RBFOX1: variants seen among roughly 807,000 people sequenced by gnomAD.
RBFOX1 encodes the protein RNA binding fox-1 homolog 1, also known as RNA binding protein fox-1 homolog 1.
A neutral mutation model predicts 57.7 loss-of-function variants in RBFOX1; 8 were observed. The observed-to-expected ratio is 0.14, with a 90% CI of 0.08 to 0.25. The LOEUF (loss-of-function observed/expected upper bound fraction) is 0.25. Ranked by LOEUF, RBFOX1 falls within the 10% of genes least tolerant of loss-of-function variation. The probability of loss-of-function intolerance (pLI) is 1.00; values close to 1 mark genes in which losing one functional copy is unlikely to be tolerated. For synonymous variants in RBFOX1, 326 were observed against 222.4 expected, an observed-to-expected ratio of 1.47 and a Z score of -4.15; for missense variants, 611 against 548.5, an observed-to-expected ratio of 1.11 and a Z score of -1.14.
At chr16:5,904,971 C>T (rs538629626) in intron 4 of RBFOX1, among the ~76,000 whole-genome samples, 5 of 100,954 alleles carry the variant, frequency 5.0e-5, no homozygotes, top group Non-Finnish European at 8.5e-5. Context: ...AGCAAGACTC[C>T]GTCTCAAAAA....
At chr16:7,580,104 G>A (rs899027025) in intron 6 of RBFOX1, among the ~76,000 whole-genome samples, 184 bp downstream of exon 6, 1 of 152,110 alleles carries the variant, frequency 6.6e-6, no homozygotes, top group Non-Finnish European at 1.5e-5. Flanking sequence ...ATGTATTTCT[G>A]TACATATGCT....
chr16:5,242,117 GA>G lies in RBFOX1; in HGVS notation c.219+2016del, dbSNP rs751888010. Among the ~76,000 whole-genome samples, 4 of 150,862 alleles carry G rather than the reference GA, an allele frequency of 2.7e-5. No homozygotes were observed. The East Asian group carries it at 5.8e-4, about 22-fold the overall frequency. Reference sequence around the variant, plus strand: ...TGACAAAGTGAGACCCTGTTTCAAGGAAAAGAGAGAGAGAGAGAGACAGACA... The same window carrying G: ...TGACAAAGTGAGACCCTGTTTCAAGGAAAGAGAGAGAGAGAGAGACAGACA... On this transcript the variant is annotated intron_variant, in intron 1 of 2. Transcript: ENST00000585867.
intron 1 of RBFOX1, among the ~76,000 whole-genome samples, chr16:6,030,634 A>G (rs2095274518): frequency 1.3e-5 from 2 of 152,240 alleles, no homozygotes; most frequent in African/African-American, 2.4e-5. Context: ...AAAGGTATAC[A>G]TAAATTACAG....
intron 3 of RBFOX1, among the ~76,000 whole-genome samples, chr16:6,687,445 A>C (rs34957758): frequency 0.087 from 13,205 of 152,254 alleles, 857 homozygotes; most frequent in African/African-American, 0.18. Flanking sequence ...ACTGAAATTA[A>C]AAATATGTAA....
intron 3 of RBFOX1, among the ~76,000 whole-genome samples, chr16:6,878,978 T>G (rs1175434606): frequency 6.6e-6 from 1 of 152,126 alleles, no homozygotes; most frequent in Admixed American, 6.5e-5. Context: ...ATAAAATGAC[T>G]TGTATAAGGT....
rs543813270 is a variant in RBFOX1, at chr16:5,582,577, G to A, written c.259-16325G>A. ...TTTTTTTTTTTTTTTTTTTTTAAAC[G>A]GAGTCTTTGTTGCCCAGGCTGGAAT... On this transcript the variant is annotated intron_variant, in intron 2 of 2. Transcript: ENST00000585867. Among the ~76,000 whole-genome samples, 318 of 136,098 alleles carry A rather than the reference G, an allele frequency of 2.3e-3. 1 individual carries two copies. The highest frequency in any genetic ancestry group is 8.8e-3 in the African/African-American group (300 of 33,982). The allele number at this position is 136,098 out of a possible 152,430, so 89.3% of individuals were successfully genotyped here. A position where few individuals can be genotyped will look rare whatever the true frequency, so the allele number is the denominator to read the frequency against.
chr16:6,174,485 T>C (rs934208746), intron 1 of RBFOX1, among the ~76,000 whole-genome samples: 3 of 152,050 alleles, frequency 2.0e-5, no homozygotes, highest in Non-Finnish European at 2.9e-5. Context: ...GTCCCAACTA[T>C]TGGGGAGGCT....
chr16:7,675,888 C>T (rs976646100), intron 13 of RBFOX1, among the ~76,000 whole-genome samples: 2 of 152,186 alleles, frequency 1.3e-5, no homozygotes, highest in African/African-American at 4.8e-5. Context: ...TCATTGTACA[C>T]TGGTTGATGT....
At chr16:6,609,974 C>T (rs993354619) in intron 2 of RBFOX1, among the ~76,000 whole-genome samples, 2 of 151,818 alleles carry the variant, frequency 1.3e-5, no homozygotes, top group African/African-American at 4.8e-5. Flanking sequence ...CGCCATTGCA[C>T]TCCAGGCCTG....
chr16:6,554,546 C>G (rs915694147), intron 2 of RBFOX1, among the ~76,000 whole-genome samples: 14 of 152,144 alleles, frequency 9.2e-5, no homozygotes, highest in African/African-American at 2.7e-4. Context: ...TGAACTCTAT[C>G]TCAATAAAAC....
chr16:6,930,283 C>G (rs2076289685), intron 3 of RBFOX1, among the ~76,000 whole-genome samples: 1 of 152,146 alleles, frequency 6.6e-6, no homozygotes, highest in South Asian at 2.1e-4. Flanking sequence ...ATAGACGTGT[C>G]TCCAAAAGAT....
At chr16:6,603,873 C>A (rs905480539) in intron 2 of RBFOX1, among the ~76,000 whole-genome samples, 3 of 152,152 alleles carry the variant, frequency 2.0e-5, no homozygotes, top group Non-Finnish European at 2.9e-5. Flanking sequence ...CGAGTTGCTT[C>A]TGTAGAGTTT....
chr16:6,161,094 A>G (rs2096875199), intron 1 of RBFOX1, among the ~76,000 whole-genome samples: 1 of 152,188 alleles, frequency 6.6e-6, no homozygotes, highest in Non-Finnish European at 1.5e-5. Context: ...AAATAAATGG[A>G]GAAGTGATCA....
intron 1 of RBFOX1, among the ~76,000 whole-genome samples, chr16:5,412,976 G>T (rs532117852): frequency 2.0e-4 from 30 of 152,330 alleles, no homozygotes; most frequent in Middle Eastern, 6.8e-3. Context: ...AAGGACGCAG[G>T]TGGGGTGGAG....
intron 3 of RBFOX1, among the ~76,000 whole-genome samples, chr16:7,037,320 T>A (rs547415300): frequency 7.5e-6 from 1 of 133,740 alleles, no homozygotes; most frequent in Non-Finnish European, 1.6e-5. Context: ...TGGCTCACCA[T>A]AACCTCCACT....
At chr16:6,468,907 C>T (rs1055181941) in intron 2 of RBFOX1, among the ~76,000 whole-genome samples, 2 of 152,156 alleles carry the variant, frequency 1.3e-5, no homozygotes, top group East Asian at 3.9e-4. Context: ...CTAGTACCTA[C>T]CCACTAGTTA....
At chr16:6,798,167 C>T (rs982310535) in intron 3 of RBFOX1, among the ~76,000 whole-genome samples, 2 of 152,042 alleles carry the variant, frequency 1.3e-5, no homozygotes, top group Non-Finnish European at 2.9e-5. Flanking sequence ...GAAAGCAGGG[C>T]GTTTCTAGTC....
At chr16:7,592,166 T>C (rs1281828744) in intron 7 of RBFOX1, among the ~76,000 whole-genome samples, 1 of 151,924 alleles carries the variant, frequency 6.6e-6, no homozygotes, top group Non-Finnish European at 1.5e-5. Context: ...CAACTCTAAA[T>C]GAGGAATACC....
In RBFOX1 at chr16:7,687,699, A is replaced by G. The variant is rs138764907; in HGVS notation, c.995+10861A>G. On this transcript the variant is annotated intron_variant, in intron 14 of 15. Transcript: ENST00000550418. ...AGGAAGCAACCTGGTAAGCATGATTATAAGACAATTACTAATTATAACTAC... is the reference window on the plus strand; with the variant it reads ...AGGAAGCAACCTGGTAAGCATGATTGTAAGACAATTACTAATTATAACTAC... Among the ~76,000 whole-genome samples the G allele has an allele frequency of 4.6e-5, 7 of 152,218 alleles. 1 individual carries two copies. The highest frequency in any genetic ancestry group is 1.7e-4 in the African/African-American group (7 of 41,546).
Sources: allele counts gnomAD v4.1 joint callset (sites outside exome capture counted in the v4.1 genomes callset), GRCh38; gene constraint gnomAD v4.1.1; transcripts MANE v1.5; gene names NCBI Gene and HGNC (gene_info 2026-07-23, HGNC 2026-07-21).